The following MYO9A variants were observed in gnomAD, a reference collection of about 807,000 sequenced individuals.
The protein encoded by MYO9A is myosin IXA, also known as unconventional myosin-IXa.
MYO9A carries 103 observed loss-of-function variants against 293.3 expected under a neutral mutation model. That is an observed-to-expected ratio of 0.35 (90% CI 0.30 to 0.41). The LOEUF (loss-of-function observed/expected upper bound fraction) is 0.41, where lower values mean the gene tolerates loss of function less well. MYO9A is among the 10% of genes least tolerant of loss of function. MYO9A has a pLI of 1.00. For synonymous variants in MYO9A, 1,001 were observed against 1,035.7 expected (o/e 0.97, Z 0.64); for missense variants, 2,685 against 3,033.0 (o/e 0.89, Z 2.69).
At chr15:72,004,112 A>T (rs973161318) in intron 8 of MYO9A, among the ~76,000 whole-genome samples, 5 of 152,228 alleles carry the variant, frequency 3.3e-5, no homozygotes, top group Admixed American at 3.3e-4. Flanking sequence ...ACGATTTTTT[A>T]ATCAGCTCTT....
At chr15:71,834,510 G>A (rs900462367) in intron 39 of MYO9A, among the ~76,000 whole-genome samples, 2 of 152,136 alleles carry the variant, frequency 1.3e-5, no homozygotes, top group Non-Finnish European at 2.9e-5. Context: ...AGTAGTGCAT[G>A]CCCACAATCC....
intron 1 of MYO9A, among the ~76,000 whole-genome samples, chr15:72,057,498 C>T (rs2078754965): frequency 6.6e-6 from 1 of 152,118 alleles, no homozygotes; most frequent in African/African-American, 2.4e-5. Flanking sequence ...TGTCATCGAA[C>T]ATAGTTTGAA....
At chr15:71,921,706 A>G (rs77265428) in intron 18 of MYO9A, among the ~76,000 whole-genome samples, 2 of 152,244 alleles carry the variant, frequency 1.3e-5, no homozygotes, top group Non-Finnish European at 2.9e-5. Flanking sequence ...TATATATTCA[A>G]TAAGTAAAAA....
At chr15:71,996,027 A>G (rs2148544578) in intron 9 of MYO9A, among the ~76,000 whole-genome samples, 2 of 152,338 alleles carry the variant, frequency 1.3e-5, no homozygotes, top group African/African-American at 4.8e-5. Flanking sequence ...GTGGAGTTTT[A>G]GAATATTTTT....
At chr15:72,057,661 T>G (rs1309649186) in intron 1 of MYO9A, among the ~76,000 whole-genome samples, 1 of 152,214 alleles carries the variant, frequency 6.6e-6, no homozygotes, top group African/African-American at 2.4e-5. Context: ...AAAAGAAGCT[T>G]TCTTCCCACA....
In MYO9A at chr15:71,960,086, T is replaced by C. The variant is rs775436578; in HGVS notation, c.1997A>G (p.Glu666Gly). 2 of 1,613,616 alleles carry C rather than the reference T, an allele frequency of 1.2e-6. No individual in the cohort carries two copies. The highest frequency in any genetic ancestry group is 2.2e-5 in the South Asian group (2 of 90,952). ...TGGGCGCATATGATCTGTATTTTTT[T>C]CCCGGAAATCCTATATGAAAAAAGT... is the stretch of plus-strand genomic sequence containing the variant. ...KVKYGVKDFREKNTDHMRPDI... is the reference protein window; with the variant it reads ...KVKYGVKDFRGKNTDHMRPDI... The change falls in exon 14 of 42, where the codon GAA (glutamate) becomes GGA (glycine). Residue 666 changes from glutamate (E) to glycine (G), a missense_variant. By Grantham distance (98) the Glu-to-Gly change is moderately conservative (BLOSUM62 -2). Around this residue, in one of 10 missense-constraint regions of MYO9A, gnomAD observed 201 missense variants for 245.2 expected, o/e 0.82. Transcript: ENST00000356056.
intron 1 of MYO9A, among the ~76,000 whole-genome samples, chr15:72,070,452 C>CAA (rs75023888): frequency 4.1e-4 from 40 of 97,550 alleles, no homozygotes; most frequent in African/African-American, 1.3e-3. Context: ...GACTCTGCCT[C>CAA]AAAAAAAAAA....
chr15:72,099,745 CAT>C (rs1240189242), intron 1 of MYO9A, among the ~76,000 whole-genome samples: 1 of 149,060 alleles, frequency 6.7e-6, no homozygotes, highest in Non-Finnish European at 1.5e-5. Context: ...CTACTAAAAA[CAT>C]AAAAATTGGT....
At position 72,117,993 on chromosome 15, in the gene MYO9A, G is replaced by C; in HGVS notation, c.-385C>G. 1 of 398,944 alleles carries C rather than the reference G, an allele frequency of 2.5e-6. No individual in the cohort carries two copies. 24.7% of individuals were successfully genotyped at this position (398,944 alleles called of 1,614,324 possible). A position where few individuals can be genotyped will look rare whatever the true frequency, so the allele number is the denominator to read the frequency against. On this transcript the variant is annotated 5_prime_UTR_variant, in exon 1 of 42. Coordinates refer to ENST00000356056, the MANE Select transcript of MYO9A (RefSeq NM_006901.4). The stretch of plus-strand genomic sequence containing the variant: ...CTCTGCCGGTGCAACTACTGCCTCC[G>C]CCGCCGCCTCTCGCAGTCCGGGCTG...
At chr15:72,075,562 A>G (rs2079324195) in intron 1 of MYO9A, among the ~76,000 whole-genome samples, 1 of 152,060 alleles carries the variant, frequency 6.6e-6, no homozygotes, top group Non-Finnish European at 1.5e-5. Context: ...TTCACTAAAT[A>G]GACTTAATAA....
intron 32 of MYO9A, among the ~76,000 whole-genome samples, chr15:71,873,018 T>C (rs572713896): frequency 1.1e-4 from 17 of 152,028 alleles, no homozygotes; most frequent in Non-Finnish European, 1.0e-4. Context: ...GTTCAAGCGA[T>C]TCTCCTGCCT....
upstream of MYO9A, chr15:72,118,152 C>A: frequency 2.7e-6 from 1 of 375,316 alleles, no homozygotes; most frequent in East Asian, 3.9e-5. Flanking sequence ...CGCGCGCGCA[C>A]TTACCTCCCA....
intron 4 of MYO9A, among the ~76,000 whole-genome samples, chr15:72,023,746 C>A (rs2077577153): frequency 6.8e-6 from 1 of 147,588 alleles, no homozygotes; most frequent in South Asian, 2.2e-4. Context: ...ACTGGGGGTT[C>A]TAAAAGGAGA....
intron 32 of MYO9A, 40 bp downstream of exon 32, chr15:71,875,751 A>C: frequency 8.7e-7 from 1 of 1,153,896 alleles, no homozygotes; most frequent in Non-Finnish European, 1.2e-6. Flanking sequence ...AACTGATCTG[A>C]AAATTACTTT....
Position 71,854,520 on chromosome 15 carries a change from A to C in MYO9A, c.6203T>G (p.Leu2068Trp), listed in dbSNP as rs1360564969. ...AGGAACAGTTCGGTCTTCACTGGTC[A>C]AACGGGACAGTTCAACCCCAAATTG... is the stretch of plus-strand genomic sequence containing the variant. Reference protein sequence around the residue: ...SRQFGVELSRLTSEDRTVPLV... With the variant: ...SRQFGVELSRWTSEDRTVPLV... Residue 2068 changes from leucine (L) to tryptophan (W), a missense_variant, in exon 35 of 42, where the codon TTG (leucine) becomes TGG (tryptophan). By Grantham distance (61) the Leu-to-Trp change is moderately conservative. Around this residue, in one of 10 missense-constraint regions of MYO9A, gnomAD observed 238 missense variants for 269.1 expected, o/e 0.88. Coordinates refer to ENST00000356056, the MANE Select transcript of MYO9A (RefSeq NM_006901.4). 6.2e-7 allele frequency: 1 copy of C among 1,611,954 alleles called. No individual in the cohort carries two copies. Among genetic ancestry groups the C allele is most frequent in the Admixed American group, 1.7e-5 (1 of 59,740 alleles).
At chr15:71,847,256 G>C (rs975688375) in intron 39 of MYO9A, among the ~76,000 whole-genome samples, 2 of 152,278 alleles carry the variant, frequency 1.3e-5, no homozygotes, top group East Asian at 1.9e-4. Context: ...AAGAGATTAA[G>C]AGAAAAGCAA....
intron 32 of MYO9A, among the ~76,000 whole-genome samples, chr15:71,869,502 A>C (rs2056440879): frequency 6.6e-6 from 1 of 152,226 alleles, no homozygotes; most frequent in African/African-American, 2.4e-5. Context: ...AAAGAGATTT[A>C]AAAGGCATAA....
chr15:71,977,312 C>CT (rs1490119647), intron 12 of MYO9A, among the ~76,000 whole-genome samples: 1 of 152,164 alleles, frequency 6.6e-6, no homozygotes, highest in Non-Finnish European at 1.5e-5. Context: ...TCTCGGCTCA[C>CT]TGCAACCTCT....
Position 71,916,446 on chromosome 15 carries a change from A to G in MYO9A, c.2609T>C (p.Leu870Pro). ...NSLKHLTRLT[L>P]QDRITKSLLH... is the part of the protein sequence containing the mutation. ...AAGAGACTTGGTAATGCGATCTTGT[A>G]GTGTCAGTCTTGTCAGGTGCTTTAA... Residue 870 changes from leucine to proline, a missense_variant, in exon 19 of 42, where the codon CTA (leucine) becomes CCA (proline). Physicochemically the swap from Leu to Pro is moderately conservative, Grantham distance 98. Around this residue, in one of 10 missense-constraint regions of MYO9A, gnomAD observed 1,434 missense variants for 1,497.7 expected, o/e 0.96. Coordinates refer to ENST00000356056, the MANE Select transcript of MYO9A (RefSeq NM_006901.4). 6.2e-7 allele frequency: 1 copy of G among 1,613,522 alleles called. No individual in the cohort carries two copies. The highest frequency in any genetic ancestry group is 8.5e-7 in the Non-Finnish European group (1 of 1,179,782).
Sources: allele counts gnomAD v4.1 joint callset (sites outside exome capture counted in the v4.1 genomes callset), GRCh38; gene constraint gnomAD v4.1.1; regional missense constraint gnomAD v4.1.1; transcripts MANE v1.5; gene names NCBI Gene and HGNC (gene_info 2026-07-23, HGNC 2026-07-21).